The following GRM5 variants were observed in gnomAD, a reference collection of about 807,000 sequenced individuals.
GRM5 encodes the protein metabotropic glutamate receptor 5.
In GRM5, 19 loss-of-function variants were observed where a neutral mutation model predicts 83.1. The ratio of observed to expected loss-of-function variants is 0.23; its 90% CI spans 0.16 to 0.34. GRM5 has a LOEUF of 0.34. Among genes scored for constraint, GRM5 ranks in the 10% least tolerant of loss-of-function variants. GRM5 has a pLI of 1.00. For synonymous variants in GRM5, 675 were observed against 633.6 expected (o/e 1.07, Z -0.98); for missense variants, 1,160 against 1,588.3 (o/e 0.73, Z 4.58).
intron 2 of GRM5, among the ~76,000 whole-genome samples, chr11:88,996,693 C>T (rs1239696408): frequency 6.6e-6 from 1 of 152,088 alleles, no homozygotes; most frequent in Non-Finnish European, 1.5e-5. Flanking sequence ...AACATTCCAT[C>T]CAAGAGAAGA....
At chr11:88,811,294 T>C (rs1038033993) in intron 3 of GRM5, among the ~76,000 whole-genome samples, 2 of 151,962 alleles carry the variant, frequency 1.3e-5, no homozygotes, top group Non-Finnish European at 2.9e-5. Context: ...TTGTGACAGT[T>C]TGGAGAAAAA....
intron 2 of GRM5, among the ~76,000 whole-genome samples, chr11:88,966,405 A>T (rs1306444997): frequency 2.4e-5 from 3 of 123,452 alleles, no homozygotes; most frequent in Non-Finnish European, 4.4e-5. Context: ...AAAGCAGTTT[A>T]AAAAAAAGCT....
chr11:88,737,921 C>T (rs1400991017), intron 3 of GRM5, among the ~76,000 whole-genome samples: 4 of 151,998 alleles, frequency 2.6e-5, no homozygotes, highest in Non-Finnish European at 4.4e-5. Flanking sequence ...TTATCATGTT[C>T]ATGAACCTTT....
intron 3 of GRM5, among the ~76,000 whole-genome samples, chr11:88,695,917 A>G (rs1398927789): frequency 6.6e-6 from 1 of 152,168 alleles, no homozygotes; most frequent in Non-Finnish European, 1.5e-5. Context: ...CTCAGTAGGC[A>G]TGTGTTACAG....
At chr11:88,967,852 A>T (rs1489451714) in intron 2 of GRM5, among the ~76,000 whole-genome samples, 1 of 152,042 alleles carries the variant, frequency 6.6e-6, no homozygotes, top group African/African-American at 2.4e-5. Flanking sequence ...TGCACCCAAG[A>T]CAGACCAAGA....
chr11:88,723,795 C>A (rs1489649146), intron 3 of GRM5, among the ~76,000 whole-genome samples: 4 of 152,094 alleles, frequency 2.6e-5, no homozygotes, highest in African/African-American at 9.7e-5. Context: ...CTCATGCTTA[C>A]TCTTGTAGCA....
chr11:88,513,529 G>A (rs1941439383), intron 9 of GRM5, among the ~76,000 whole-genome samples: 1 of 152,006 alleles, frequency 6.6e-6, no homozygotes, highest in Admixed American at 6.6e-5. Flanking sequence ...CATTAAATAT[G>A]AAAATACAAA....
At chr11:88,839,991 G>C (rs1217131191) in intron 3 of GRM5, among the ~76,000 whole-genome samples, 1 of 152,018 alleles carries the variant, frequency 6.6e-6, no homozygotes, top group Non-Finnish European at 1.5e-5. Flanking sequence ...CATCCTAATT[G>C]TCTTCATACT....
chr11:88,712,215 A>T (rs965124261), intron 3 of GRM5, among the ~76,000 whole-genome samples: 1 of 152,062 alleles, frequency 6.6e-6, no homozygotes, highest in Admixed American at 6.6e-5. Flanking sequence ...ATTGTAAAAA[A>T]TTAACATATT....
At chr11:88,514,672 GA>G (rs200925984) in intron 9 of GRM5, among the ~76,000 whole-genome samples, 39 of 150,086 alleles carry the variant, frequency 2.6e-4, no homozygotes, top group East Asian at 9.7e-4. Flanking sequence ...AACTACTGTG[GA>G]AAAAAAAAGA....
chr11:88,531,231 G>C (rs1265980910), intron 8 of GRM5, among the ~76,000 whole-genome samples: 2 of 152,064 alleles, frequency 1.3e-5, no homozygotes, highest in Non-Finnish European at 1.5e-5. Flanking sequence ...CTTTACTTGA[G>C]AGAGATATGG....
At chr11:88,705,093 G>A (rs1264436013) in intron 3 of GRM5, among the ~76,000 whole-genome samples, 1 of 151,998 alleles carries the variant, frequency 6.6e-6, no homozygotes, top group Non-Finnish European at 1.5e-5. Flanking sequence ...TATGTTATAG[G>A]TAAGACAGTT....
At chr11:89,040,686 G>A (rs1389645526) in intron 2 of GRM5, among the ~76,000 whole-genome samples, 2 of 151,178 alleles carry the variant, frequency 1.3e-5, no homozygotes, top group Non-Finnish European at 2.9e-5. Context: ...GGGCAATAGA[G>A]AGAGACCCTG....
intron 3 of GRM5, among the ~76,000 whole-genome samples, chr11:88,775,383 A>G (rs1251093218): frequency 6.6e-6 from 1 of 152,124 alleles, no homozygotes; most frequent in Non-Finnish European, 1.5e-5. Context: ...TCTTTTCAAA[A>G]AACCGGCTCC....
intron 3 of GRM5, among the ~76,000 whole-genome samples, chr11:88,705,930 T>C (rs899166093): frequency 1.3e-5 from 2 of 152,040 alleles, no homozygotes; most frequent in African/African-American, 4.8e-5. Context: ...ACACACTTTT[T>C]AGAGTGCTTA....
At position 89,004,825 on chromosome 11, in the gene GRM5, C is replaced by T. The variant is rs1436319140; in HGVS notation, c.661+42387G>A. Among the ~76,000 whole-genome samples, 4 of 152,098 alleles carry T rather than the reference C, an allele frequency of 2.6e-5. No individual in the cohort carries two copies. The East Asian group carries it at 7.7e-4, about 29-fold the overall frequency. ...AACTTAAATCTACAATTATTTAATC[C>T]CATATGCAAATAGATGAAATATTTA... is the stretch of plus-strand genomic sequence containing the variant. On this transcript the variant is annotated intron_variant, in intron 2 of 9. Coordinates refer to ENST00000305447, the MANE Select transcript of GRM5 (RefSeq NM_001143831.3).
chr11:88,773,040 G>T, intron 3 of GRM5, among the ~76,000 whole-genome samples: 1 of 152,300 alleles, frequency 6.6e-6, no homozygotes, highest in South Asian at 2.1e-4. Flanking sequence ...CTTCCACAAT[G>T]GTGGAACTAA....
At chr11:88,538,940 G>A (rs1181035617) in intron 8 of GRM5, among the ~76,000 whole-genome samples, 1 of 152,144 alleles carries the variant, frequency 6.6e-6, no homozygotes, top group Non-Finnish European at 1.5e-5. Flanking sequence ...TCTTTAAATG[G>A]CCTAAGGGAT....
chr11:88,877,872 G>A (rs1944885322), intron 2 of GRM5, among the ~76,000 whole-genome samples: 1 of 151,400 alleles, frequency 6.6e-6, no homozygotes, highest in Non-Finnish European at 1.5e-5. Flanking sequence ...AAGTAAAGAG[G>A]GAGGGACAGC....
Sources: gnomAD v4.1 joint callset for allele counts (sites outside exome capture counted in the v4.1 genomes callset) on GRCh38, gnomAD v4.1.1 for gene constraint, MANE v1.5 for transcripts, NCBI Gene and HGNC (gene_info 2026-07-23, HGNC 2026-07-21) for gene names.